The following FNDC3B variants were observed in gnomAD, a reference collection of about 807,000 sequenced individuals.
FNDC3B encodes fibronectin type III domain-containing protein 3B.
In FNDC3B, 12 loss-of-function variants were observed where a neutral mutation model predicts 151.5. The ratio of observed to expected loss-of-function variants is 0.08; its 90% CI spans 0.05 to 0.13. The LOEUF is 0.13. FNDC3B is among the 10% of genes least tolerant of loss of function. The pLI is 1.00. For missense variants in FNDC3B, 1,214 were observed against 1,505.3 expected (o/e 0.81, Z 3.20); for synonymous variants, 528 against 549.0 (o/e 0.96, Z 0.54).
At chr3:172,395,528 A>T (rs1404439646) in intron 25 of FNDC3B, among the ~76,000 whole-genome samples, 1 of 152,224 alleles carries the variant, frequency 6.6e-6, no homozygotes, top group African/African-American at 2.4e-5. Context: ...TAATAGAAGA[A>T]ATCAGGTTTG....
At chr3:172,150,510 G>A (rs1410302202) in intron 3 of FNDC3B, among the ~76,000 whole-genome samples, 2 of 151,458 alleles carry the variant, frequency 1.3e-5, no homozygotes, top group African/African-American at 4.9e-5. Flanking sequence ...CTCATCTATG[G>A]GGCATTACAC....
At chr3:172,330,754 C>A in intron 13 of FNDC3B, 39 bp downstream of exon 13, 2 of 1,524,154 alleles carry the variant, frequency 1.3e-6, no homozygotes, top group Non-Finnish European at 1.8e-6. Flanking sequence ...GTGTTTTGTA[C>A]GAGTCAGTAT....
At chr3:172,070,082 T>A (rs1717692513) in intron 1 of FNDC3B, among the ~76,000 whole-genome samples, 1 of 152,168 alleles carries the variant, frequency 6.6e-6, no homozygotes, top group Admixed American at 6.5e-5. Context: ...TGCTCCCTTT[T>A]CTTTCCAGGG....
chr3:172,288,532 G>A (rs1271432334), intron 7 of FNDC3B, among the ~76,000 whole-genome samples: 1 of 152,188 alleles, frequency 6.6e-6, no homozygotes, highest in Non-Finnish European at 1.5e-5. Flanking sequence ...AGTTTCCTTA[G>A]TCCTATAAAG....
At chr3:172,313,818 C>T (rs1054492726) in intron 11 of FNDC3B, among the ~76,000 whole-genome samples, 1 of 152,262 alleles carries the variant, frequency 6.6e-6, no homozygotes, top group Non-Finnish European at 1.5e-5. Context: ...GCAGTAGTAA[C>T]AAGTTCATTC....
chr3:172,245,537 C>G (rs548177205), intron 4 of FNDC3B, among the ~76,000 whole-genome samples: 1 of 151,400 alleles, frequency 6.6e-6, no homozygotes, highest in South Asian at 2.1e-4. Flanking sequence ...TGTGTCAGAT[C>G]GTAGGAAAAA....
At chr3:172,193,159 C>T (rs1373053801) in intron 3 of FNDC3B, among the ~76,000 whole-genome samples, 2 of 88,378 alleles carry the variant, frequency 2.3e-5, no homozygotes, top group South Asian at 1.1e-3. Flanking sequence ...TTCCTTCCCA[C>T]CTTTCCCTCA....
chr3:172,207,610 CG>C (rs1279764749), intron 3 of FNDC3B, among the ~76,000 whole-genome samples: 7 of 152,114 alleles, frequency 4.6e-5, no homozygotes, highest in Admixed American at 6.5e-5. Context: ...CGGCCATGGG[CG>C]GGGCCTGGAA....
In FNDC3B at chr3:172,333,030, AG is replaced by A. The variant is rs1320290285; in HGVS notation, c.1555-57del. The A allele has an allele frequency of 1.4e-5, 14 of 1,025,748 alleles. No homozygotes were observed. The East Asian group carries it at 3.3e-4, about 24-fold the overall frequency. The allele number at this position is 1,025,748 out of a possible 1,614,324, so 63.5% of individuals were successfully genotyped here. On this transcript the variant is annotated intron_variant, in intron 13 of 25. Transcript: ENST00000415807. ...GGCAGTATAAAAATCCTGTATTCAA[AG>A]GTATTTAATGCCCAGAATTTTTTAT...
intron 6 of FNDC3B, among the ~76,000 whole-genome samples, chr3:172,257,595 C>G (rs1728419331): frequency 6.6e-6 from 1 of 151,920 alleles, no homozygotes. Context: ...CACACACACA[C>G]ACACACACAC....
Position 172,397,197 on chromosome 3 carries a change from T to G in FNDC3B, c.3337T>G (p.Ser1113Ala). 6.2e-7 allele frequency: 1 copy of G among 1,613,188 alleles called. No individual in the cohort carries two copies. The highest frequency in any genetic ancestry group is 1.3e-5 in the African/African-American group (1 of 75,018). ...YKGEEATFQISGLQTNTDYRF... is the reference protein window; with the variant it reads ...YKGEEATFQIAGLQTNTDYRF... ...GGGAGAAGAAGCCACATTCCAAATC[T>G]CAGGCCTCCAGACCAACACAGACTA... Residue 1113 changes from serine to alanine, a missense_variant, in exon 26 of 26, where the codon TCA becomes GCA. Ser to Ala is a moderately conservative substitution (Grantham distance 99). Transcript: ENST00000415807.
rs149450891 is a variant in FNDC3B at position 172,174,288 on chromosome 3, A to T, written c.187+40742A>T. Among the ~76,000 whole-genome samples the T allele has an allele frequency of 2.6e-4, 40 of 152,314 alleles. No homozygotes were observed. The East Asian group carries it at 7.5e-3, about 29-fold the overall frequency. ...CAAATACTGAGCTTATTCCAGAAAT[A>T]ATTTGGTTTCTGCATGCTTTGTTTT... On this transcript the variant is annotated intron_variant, in intron 3 of 25. Coordinates refer to ENST00000415807, the MANE Select transcript of FNDC3B (RefSeq NM_022763.4).
At chr3:172,209,646 C>G (rs1291410444) in intron 3 of FNDC3B, among the ~76,000 whole-genome samples, 1 of 152,236 alleles carries the variant, frequency 6.6e-6, no homozygotes, top group African/African-American at 2.4e-5. Context: ...AGTTCTCACT[C>G]CCAGTAGCCG....
intron 3 of FNDC3B, among the ~76,000 whole-genome samples, chr3:172,161,061 G>C (rs1157402196): frequency 6.6e-6 from 1 of 152,142 alleles, no homozygotes; most frequent in Non-Finnish European, 1.5e-5. Flanking sequence ...ATTTTTGTCA[G>C]TGACTATTCT....
chr3:172,116,550 G>A (rs895214491), intron 2 of FNDC3B, among the ~76,000 whole-genome samples: 2 of 151,940 alleles, frequency 1.3e-5, no homozygotes, highest in South Asian at 4.1e-4. Flanking sequence ...TTTTGTGTCT[G>A]GCATCTTTCA....
intron 7 of FNDC3B, among the ~76,000 whole-genome samples, chr3:172,286,212 T>C (rs1730008792): frequency 2.0e-5 from 3 of 152,166 alleles, no homozygotes; most frequent in Non-Finnish European, 4.4e-5. Context: ...TTTATTTAGG[T>C]ATTCTGAATG....
chr3:172,141,641 A>G (rs937444831), intron 3 of FNDC3B, among the ~76,000 whole-genome samples: 5 of 152,162 alleles, frequency 3.3e-5, no homozygotes, highest in Non-Finnish European at 7.3e-5. Context: ...GTTTAAGTCC[A>G]GCCTGGCCAA....
chr3:172,330,533 C>G lies in FNDC3B; in HGVS notation c.1380-8C>G. 1.2e-6 allele frequency: 2 copies of G among 1,604,480 alleles called. No individual in the cohort carries two copies. Among genetic ancestry groups the G allele is most frequent in the Non-Finnish European group, 1.7e-6 (2 of 1,173,948 alleles). ...TCTAACTGTGTGCCTCACTTTCTTTCTCTACAGTGGTTATAGCCAAGAGGT... is the reference window on the plus strand; with the variant it reads ...TCTAACTGTGTGCCTCACTTTCTTTGTCTACAGTGGTTATAGCCAAGAGGT... On this transcript the variant is annotated splice_region_variant and splice_polypyrimidine_tract_variant and intron_variant, in intron 12 of 25. Transcript: ENST00000415807.
chr3:172,078,943 T>C (rs889326756), intron 1 of FNDC3B, among the ~76,000 whole-genome samples: 5 of 152,174 alleles, frequency 3.3e-5, no homozygotes, highest in Admixed American at 3.3e-4. Flanking sequence ...TTGATACAGG[T>C]AATAAAGAAC....
Sources: allele counts gnomAD v4.1 joint callset (sites outside exome capture counted in the v4.1 genomes callset), GRCh38; gene constraint gnomAD v4.1.1; transcripts MANE v1.5; gene names NCBI Gene and HGNC (gene_info 2026-07-23, HGNC 2026-07-21).